Variants in PLEKHA6 observed in about 807,000 individuals in gnomAD.
The protein encoded by PLEKHA6 is pleckstrin homology domain-containing family A member 6.
A neutral mutation model predicts 116.7 loss-of-function variants in PLEKHA6; 60 were observed. The ratio of observed to expected loss-of-function variants is 0.51; its 90% CI spans 0.42 to 0.64. The LOEUF (loss-of-function observed/expected upper bound fraction) is 0.64. Among genes scored for constraint, PLEKHA6 ranks in the 30% least tolerant of loss-of-function variants. The pLI is 0.00. For missense variants in PLEKHA6, 1,338 were observed against 1,422.7 expected (o/e 0.94, Z 0.96); for synonymous variants, 489 against 556.1 (o/e 0.88, Z 1.70).
rs1384306644 is a variant in PLEKHA6 at position 204,223,622 on chromosome 1, G to A, written c.3032-37C>T. 1 of 635,860 alleles carries A rather than the reference G, an allele frequency of 1.6e-6. No individual in the cohort carries two copies. The allele number at this position is 635,860 out of a possible 1,614,324, so 39.4% of individuals were successfully genotyped here. On this transcript the variant is annotated intron_variant, in intron 21 of 22. Transcript: ENST00000272203. The surrounding 1 kb of genome is among the most constrained non-coding windows in gnomAD (Gnocchi z 4.8). ...AATGAACAGGGAGGTGAATGGGGGT[G>A]GGTGGGGGAGGAGGGTGGGCACCCA... is the stretch of plus-strand genomic sequence containing the variant.
At chr1:204,251,683 G>A (rs1265063098) in intron 9 of PLEKHA6, 2 of 670,520 alleles carry the variant, frequency 3.0e-6, no homozygotes, top group African/African-American at 3.5e-5. Context: ...ACCCACCTGT[G>A]CTTGTTTCCC....
chr1:204,273,770 T>C (rs1222888380), intron 2 of PLEKHA6, 30 bp from the exon 3 acceptor site: 4 of 1,477,038 alleles, frequency 2.7e-6, no homozygotes, highest in African/African-American at 2.8e-5. Context: ...AGAAAAGAGA[T>C]TGGTGAGATC....
At chr1:204,365,334 G>A (rs1204190854) in intron 3 of PLEKHA6, among the ~76,000 whole-genome samples, 2 of 152,246 alleles carry the variant, frequency 1.3e-5, no homozygotes, top group Admixed American at 6.5e-5. Context: ...CTGGAGGCAG[G>A]AAGATCAGTT....
intron 5 of PLEKHA6, among the ~76,000 whole-genome samples, chr1:204,265,715 C>G (rs563745462): frequency 5.8e-4 from 88 of 152,338 alleles, no homozygotes; most frequent in Middle Eastern, 3.4e-3. Flanking sequence ...CTAAGGTTCT[C>G]CCTGGCACTC....
intron 9 of PLEKHA6, among the ~76,000 whole-genome samples, chr1:204,254,911 C>CA (rs1665074772): frequency 6.6e-6 from 1 of 152,192 alleles, no homozygotes; most frequent in Admixed American, 6.5e-5. Flanking sequence ...TGTCTAAACT[C>CA]AGTCTCACAG....
At position 204,228,183 on chromosome 1, in the gene PLEKHA6, C is replaced by T; in HGVS notation, c.2931G>A (p.Val977=). ...GCAGCTGGCTCTCTGAGTCCTGGGG[C>T]ACGTCCACAGAGTCCCCCTCGCCGA... ...VPIGEGDSVD[V]PQDSESQLQE... Residue 977 remains valine, a synonymous_variant, in exon 21 of 23, where the codon GTG becomes GTA. Coordinates refer to ENST00000272203, the MANE Select transcript of PLEKHA6 (RefSeq NM_014935.5). This position sits in a 1 kb window ranked among gnomAD's most constrained non-coding sequence, Gnocchi z 4.0. 1 of 1,612,858 alleles carries T rather than the reference C, an allele frequency of 6.2e-7. No homozygotes were observed. The highest frequency in any genetic ancestry group is 8.5e-7 in the Non-Finnish European group (1 of 1,179,184).
At chr1:204,271,099 C>T (rs565445076) in intron 3 of PLEKHA6, among the ~76,000 whole-genome samples, 1 of 152,354 alleles carries the variant, frequency 6.6e-6, no homozygotes, top group South Asian at 2.1e-4. Context: ...TGCAGCCCAA[C>T]ACAAACTTTC....
intron 1 of PLEKHA6, among the ~76,000 whole-genome samples, chr1:204,304,378 C>T (rs1190471991): frequency 6.6e-6 from 1 of 152,204 alleles, no homozygotes; most frequent in Non-Finnish European, 1.5e-5. Flanking sequence ...CAGTTTATCA[C>T]ATTCTAAAGA....
At chr1:204,351,206 G>C (rs899225895) in intron 1 of PLEKHA6, among the ~76,000 whole-genome samples, 14 of 152,216 alleles carry the variant, frequency 9.2e-5, no homozygotes, top group South Asian at 2.1e-4. Context: ...GGTGTGGCGG[G>C]GGGGAGGTGG....
chr1:204,228,353 C>A lies in PLEKHA6; in HGVS notation c.2886-125G>T. The A allele has an allele frequency of 1.0e-6, 1 of 953,692 alleles. No individual in the cohort carries two copies. The highest frequency in any genetic ancestry group is 2.5e-5 in the East Asian group (1 of 40,292). The allele number at this position is 953,692 out of a possible 1,614,324, so 59.1% of individuals were successfully genotyped here. A position where few individuals can be genotyped will look rare whatever the true frequency, so the allele number is the denominator to read the frequency against. ...CCGTGAATGTGCAGTCTCTGGTTCC[C>A]AGCAAGGCTGTCCCTAGGAGTGAGT... On this transcript the variant is annotated intron_variant, in intron 20 of 22. Coordinates refer to ENST00000272203, the MANE Select transcript of PLEKHA6 (RefSeq NM_014935.5). This position sits in a 1 kb window ranked among gnomAD's most constrained non-coding sequence, Gnocchi z 4.0.
At chr1:204,352,707 G>T (rs369110468) in intron 1 of PLEKHA6, among the ~76,000 whole-genome samples, 1 of 152,010 alleles carries the variant, frequency 6.6e-6, no homozygotes, top group Non-Finnish European at 1.5e-5. Flanking sequence ...TTTTTTGACC[G>T]GTCACAGTGG....
chr1:204,259,595 C>T lies in PLEKHA6; in HGVS notation c.670G>A (p.Glu224Lys). ...GGCTCTTTCTTGACTTCTGGCCTCT[C>T]AGGCCTTCTCTCTGCCTTCTCACAG... ...RGCEKAERRP[E>K]RPEVKKEPPV... is the part of the protein sequence containing the mutation. Residue 224 changes from glutamate (E) to lysine (K), a missense_variant, in exon 8 of 23, where the codon GAG becomes AAG. This residue lies in a region of PLEKHA6 where 1,136 missense variants were observed against 1,163.6 expected (regional missense o/e 0.98). Transcript: ENST00000272203. The surrounding 1 kb of genome is among the most constrained non-coding windows in gnomAD (Gnocchi z 4.6). 1 of 1,614,108 alleles carries T rather than the reference C, an allele frequency of 6.2e-7. No homozygotes were observed. Among genetic ancestry groups the T allele is most frequent in the Non-Finnish European group, 8.5e-7 (1 of 1,180,044 alleles).
In PLEKHA6 at chr1:204,219,377, T is replaced by G. The variant is rs1411480147; in HGVS notation, c.*3411A>C. Reference sequence around the variant, plus strand: ...AGCCAGCCCTGCCCAAGAACATGCCTCTCCCAAAGGCCGGAGAGCAAGTGT... The same window carrying G: ...AGCCAGCCCTGCCCAAGAACATGCCGCTCCCAAAGGCCGGAGAGCAAGTGT... On this transcript the variant is annotated 3_prime_UTR_variant, in exon 23 of 23. Transcript: ENST00000272203. 1 of 152,496 alleles carries G rather than the reference T, an allele frequency of 6.6e-6. No individual in the cohort carries two copies. Among genetic ancestry groups the G allele is most frequent in the African/African-American group, 2.4e-5 (1 of 41,400 alleles). 9.4% of individuals were successfully genotyped at this position (152,496 alleles called of 1,614,324 possible). A position where few individuals can be genotyped will look rare whatever the true frequency, so the allele number is the denominator to read the frequency against.
chr1:204,279,053 T>C (rs1189316167), intron 1 of PLEKHA6, among the ~76,000 whole-genome samples: 1 of 152,124 alleles, frequency 6.6e-6, no homozygotes, highest in African/African-American at 2.4e-5. Flanking sequence ...CTTGAATACA[T>C]AGCTTGGCTT....
intron 3 of PLEKHA6, among the ~76,000 whole-genome samples, chr1:204,365,102 T>C (rs1376768692): frequency 6.7e-6 from 1 of 149,112 alleles, no homozygotes. Flanking sequence ...GAACCACAAG[T>C]GATTTGGCAG....
At chr1:204,371,060 A>AAAAAAAAAAAAAAAAAAAAAAAAC (rs1673765403) in intron 2 of PLEKHA6, among the ~76,000 whole-genome samples, 1 of 151,686 alleles carries the variant, frequency 6.6e-6, no homozygotes, top group African/African-American at 2.4e-5. Flanking sequence ...CCTCAAAAAA[A>AAAAAAAAAAAAAAAAAAAAAAAAC]AAAAAAAAAA....
At chr1:204,328,434 T>C (rs1672328624) in intron 1 of PLEKHA6, among the ~76,000 whole-genome samples, 2 of 151,758 alleles carry the variant, frequency 1.3e-5, no homozygotes, top group Admixed American at 1.3e-4. Context: ...TTCGCTCTTG[T>C]TGCCCACGCT....
intron 16 of PLEKHA6, 92 bp from the exon 17 acceptor site, chr1:204,241,573 C>A: frequency 1.4e-6 from 2 of 1,419,326 alleles, no homozygotes; most frequent in South Asian, 1.4e-5. Context: ...CACTCTCCAC[C>A]GAGATTAAAA....
chr1:204,347,931 C>A (rs928649599), intron 1 of PLEKHA6, among the ~76,000 whole-genome samples: 2 of 152,120 alleles, frequency 1.3e-5, no homozygotes, highest in Non-Finnish European at 2.9e-5. Flanking sequence ...GCTCTCCTTG[C>A]CAGCTGGTAC....
Sources: allele counts gnomAD v4.1 joint callset (sites outside exome capture counted in the v4.1 genomes callset), GRCh38; gene constraint gnomAD v4.1.1; regional missense constraint gnomAD v4.1.1; non-coding constraint Gnocchi (gnomAD v3.1); transcripts MANE v1.5; gene names NCBI Gene and HGNC (gene_info 2026-07-23, HGNC 2026-07-21).